Variants in ACBD6 observed in about 807,000 individuals in gnomAD.
ACBD6 encodes the protein acyl-CoA binding domain containing 6.
In ACBD6, 28 loss-of-function variants were observed where a neutral mutation model predicts 37.2. The ratio of observed to expected loss-of-function variants is 0.75; its 90% confidence interval spans 0.56 to 1.03. ACBD6 has a LOEUF of 1.03. ACBD6 is among the 50% of genes least tolerant of loss of function. ACBD6 has a pLI of 0.00. For synonymous variants in ACBD6, 113 were observed against 126.8 expected, an observed-to-expected ratio of 0.89 and a Z score of 0.73; for missense variants, 340 against 337.4, an observed-to-expected ratio of 1.01 and a Z score of -0.06.
intron 6 of ACBD6, among the ~76,000 whole-genome samples, chr1:180,322,591 T>C (rs1377032616): frequency 6.6e-6 from 1 of 152,100 alleles, no homozygotes; most frequent in African/African-American, 2.4e-5. Flanking sequence ...GTAGGTTGTA[T>C]GTGTCTACAA....
At chr1:180,297,904 C>T (rs1377695994) in intron 7 of ACBD6, among the ~76,000 whole-genome samples, 1 of 152,128 alleles carries the variant, frequency 6.6e-6, no homozygotes, top group Non-Finnish European at 1.5e-5. Context: ...CCAAGCACAG[C>T]TAATTGTTTT....
At chr1:180,489,663 G>GT (rs972690125) in intron 3 of ACBD6, among the ~76,000 whole-genome samples, 2,169 of 144,352 alleles carry the variant, frequency 0.015, 35 homozygotes, top group African/African-American at 0.045. Context: ...TCTGCAAGTC[G>GT]TTTTTTTTTT....
At chr1:180,487,613 G>C (rs1289463376) in intron 3 of ACBD6, among the ~76,000 whole-genome samples, 1 of 152,128 alleles carries the variant, frequency 6.6e-6, no homozygotes, top group Non-Finnish European at 1.5e-5. Context: ...TACAAGAGTT[G>C]TGATAATGGC....
At chr1:180,305,003 A>G (rs889890227) in intron 7 of ACBD6, among the ~76,000 whole-genome samples, 1 of 152,212 alleles carries the variant, frequency 6.6e-6, no homozygotes, top group African/African-American at 2.4e-5. Flanking sequence ...GAAATGGGGA[A>G]AGGATTCCCT....
At chr1:180,422,518 C>CT (rs535022051) in intron 4 of ACBD6, among the ~76,000 whole-genome samples, 4 of 152,114 alleles carry the variant, frequency 2.6e-5, no homozygotes, top group East Asian at 1.9e-4. Context: ...CATCCCTTTT[C>CT]TTTTTTACAG....
intron 5 of ACBD6, among the ~76,000 whole-genome samples, chr1:180,404,421 A>G (rs1489890578): frequency 6.6e-6 from 1 of 152,054 alleles, no homozygotes; most frequent in Non-Finnish European, 1.5e-5. Context: ...TGAAAGCATG[A>G]GCCACTACAC....
intron 6 of ACBD6, among the ~76,000 whole-genome samples, chr1:180,323,403 A>C (rs1258142150): frequency 6.6e-6 from 1 of 152,102 alleles, no homozygotes; most frequent in African/African-American, 2.4e-5. Context: ...ATGTTCTGTA[A>C]ATATCTGTTA....
chr1:180,442,149 GT>G (rs1356149220), intron 3 of ACBD6, among the ~76,000 whole-genome samples: 1 of 152,104 alleles, frequency 6.6e-6, no homozygotes, highest in Non-Finnish European at 1.5e-5. Context: ...TCTTCATCAT[GT>G]TTTCTGTCTG....
chr1:180,455,627 C>G (rs1370484789), intron 3 of ACBD6, among the ~76,000 whole-genome samples: 1 of 152,058 alleles, frequency 6.6e-6, no homozygotes, highest in Non-Finnish European at 1.5e-5. Flanking sequence ...CTGAAAAATT[C>G]ACTCTGTAGA....
chr1:180,273,950 A>C, exon 11 of ACBD6: 2 of 568,912 alleles, frequency 3.5e-6, no homozygotes, highest in South Asian at 4.0e-5. Context: ...ACATTTGTCC[A>C]TCCTTCTGGG....
intron 6 of ACBD6, among the ~76,000 whole-genome samples, chr1:180,371,789 G>T (rs1653274562): frequency 6.6e-6 from 1 of 152,076 alleles, no homozygotes; most frequent in African/African-American, 2.4e-5. Flanking sequence ...AGACAATGAA[G>T]TTTATGGAAG....
intron 5 of ACBD6, among the ~76,000 whole-genome samples, chr1:180,403,849 C>T (rs1647492685): frequency 2.6e-5 from 4 of 152,126 alleles, no homozygotes; most frequent in Admixed American, 2.0e-4. Context: ...TATGACTCCA[C>T]TTAAATGAAG....
intron 9 of ACBD6, chr1:180,278,268 G>C (rs1297763772): frequency 1.3e-5 from 2 of 152,224 alleles, no homozygotes; most frequent in African/African-American, 4.8e-5. Flanking sequence ...GCGGAAATGA[G>C]TTTTGTTTTA....
At chr1:180,475,824 A>G (rs1489182632) in intron 3 of ACBD6, among the ~76,000 whole-genome samples, 2 of 152,234 alleles carry the variant, frequency 1.3e-5, no homozygotes, top group Non-Finnish European at 2.9e-5. Context: ...ATGTAAAAAA[A>G]TAAAGTAAAA....
chr1:180,274,028 C>T, exon 11 of ACBD6: 1 of 835,206 alleles, frequency 1.2e-6, no homozygotes, highest in African/African-American at 1.7e-5. Flanking sequence ...CTCTGGATAT[C>T]AGGCTGCCAT....
intron 6 of ACBD6, among the ~76,000 whole-genome samples, chr1:180,348,887 T>C (rs1198692438): frequency 1.3e-5 from 2 of 152,238 alleles, no homozygotes; most frequent in Non-Finnish European, 2.9e-5. Context: ...TATCAACAAA[T>C]AAAATCTGAA....
At chr1:180,274,608 C>T in intron 10 of ACBD6, 1 of 1,528,496 alleles carries the variant, frequency 6.5e-7, no homozygotes, top group Non-Finnish European at 8.8e-7. Context: ...CTACCTGCCC[C>T]CCTGGCTTGA....
At chr1:180,290,983 C>T (rs1041626888) in intron 7 of ACBD6, among the ~76,000 whole-genome samples, 1 of 152,160 alleles carries the variant, frequency 6.6e-6, no homozygotes, top group Non-Finnish European at 1.5e-5. Context: ...ATAGTTTTGT[C>T]TTTTTCCAGA....
intron 4 of ACBD6, among the ~76,000 whole-genome samples, chr1:180,415,478 A>T (rs1349254502): frequency 6.6e-6 from 1 of 152,190 alleles, no homozygotes; most frequent in Non-Finnish European, 1.5e-5. Flanking sequence ...TAAGGATAAT[A>T]GGGACCTACT....
Sources: gnomAD v4.1 joint callset for allele counts (sites outside exome capture counted in the v4.1 genomes callset) on GRCh38, gnomAD v4.1.1 for gene constraint, MANE v1.5 for transcripts, NCBI Gene and HGNC (gene_info 2026-07-23, HGNC 2026-07-21) for gene names.